The following PVT1 variants were observed in gnomAD, a reference collection of about 807,000 sequenced individuals.
PVT1 encodes CXCR4/PVT1 fusion.
chr8:127,911,693 C>G (rs191704620), intron 3 of PVT1, among the ~76,000 whole-genome samples: 15 of 152,366 alleles, frequency 9.8e-5, no homozygotes, highest in African/African-American at 2.9e-4. Flanking sequence ...AGTCATAGAA[C>G]TAGGGCTTAC....
At chr8:127,979,713 G>A (rs1437525952) in intron 3 of PVT1, among the ~76,000 whole-genome samples, 1 of 152,136 alleles carries the variant, frequency 6.6e-6, no homozygotes, top group African/African-American at 2.4e-5. Context: ...CATTTCATGT[G>A]CCCCCGACCC....
At chr8:128,075,597 AT>A (rs978621352) in intron 5 of PVT1, among the ~76,000 whole-genome samples, 2 of 152,130 alleles carry the variant, frequency 1.3e-5, no homozygotes, top group African/African-American at 2.4e-5. Context: ...CATGTTTGTT[AT>A]CTTTTAGAGC....
chr8:128,044,010 T>A (rs1047467625), intron 4 of PVT1, among the ~76,000 whole-genome samples: 5 of 32,362 alleles, frequency 1.5e-4, no homozygotes, highest in East Asian at 2.4e-3. Flanking sequence ...TATTATTATT[T>A]ATTTATTTTT....
At chr8:127,848,419 C>T (rs1353442977) in intron 2 of PVT1, among the ~76,000 whole-genome samples, 1 of 152,122 alleles carries the variant, frequency 6.6e-6, no homozygotes, top group East Asian at 1.9e-4. Context: ...CGCAGTGGCT[C>T]ACGCCTGTAA....
At chr8:127,805,366 T>TA (rs1000174040) in intron 2 of PVT1, among the ~76,000 whole-genome samples, 7 of 149,252 alleles carry the variant, frequency 4.7e-5, no homozygotes, top group African/African-American at 1.5e-4. Context: ...TTCAGTTAAT[T>TA]AAAAAAAAAA....
At chr8:127,861,740 C>T (rs1046377087) in intron 2 of PVT1, among the ~76,000 whole-genome samples, 2 of 152,038 alleles carry the variant, frequency 1.3e-5, no homozygotes, top group African/African-American at 2.4e-5. Flanking sequence ...GGGGTTGTTG[C>T]GAGGATGAGG....
chr8:127,905,727 G>A (rs1026467825), intron 3 of PVT1, among the ~76,000 whole-genome samples: 3 of 152,164 alleles, frequency 2.0e-5, no homozygotes, highest in African/African-American at 4.8e-5. Flanking sequence ...GGTTGTTGCT[G>A]TCACCCCCAT....
chr8:127,975,782 G>A (rs951959860), intron 3 of PVT1, among the ~76,000 whole-genome samples: 1 of 152,108 alleles, frequency 6.6e-6, no homozygotes, highest in Admixed American at 6.5e-5. Context: ...ACTATTTTTC[G>A]GTTTCCTAGC....
At chr8:128,046,800 C>T (rs913240712) in intron 4 of PVT1, among the ~76,000 whole-genome samples, 2 of 152,222 alleles carry the variant, frequency 1.3e-5, no homozygotes, top group Non-Finnish European at 2.9e-5. Context: ...TCTTCTCTAA[C>T]TTGTCCAGGA....
chr8:128,022,856 G>C (rs900028588), intron 4 of PVT1, among the ~76,000 whole-genome samples: 3 of 144,628 alleles, frequency 2.1e-5, no homozygotes, highest in Non-Finnish European at 4.4e-5. Context: ...CATGACGCAA[G>C]CTGAGATTTT....
At chr8:128,038,682 G>T (rs890234095) in intron 4 of PVT1, among the ~76,000 whole-genome samples, 1 of 152,200 alleles carries the variant, frequency 6.6e-6, no homozygotes, top group East Asian at 1.9e-4. Context: ...CCTTGGGGAC[G>T]GAATCCTCTA....
intron 4 of PVT1, chr8:128,070,151 C>T (rs1813966946): frequency 1.3e-5 from 2 of 152,220 alleles, no homozygotes; most frequent in Admixed American, 1.3e-4. Flanking sequence ...ACTCAACACT[C>T]TTTTTCAGAG....
At chr8:128,014,944 G>A (rs889050044) in intron 4 of PVT1, among the ~76,000 whole-genome samples, 1 of 152,138 alleles carries the variant, frequency 6.6e-6, no homozygotes, top group East Asian at 1.9e-4. Context: ...TTTAGAAACT[G>A]TCCAAGAAAC....
chr8:127,958,622 C>T (rs1586455662), intron 3 of PVT1, among the ~76,000 whole-genome samples: 1 of 152,112 alleles, frequency 6.6e-6, no homozygotes, highest in South Asian at 2.1e-4. Context: ...GAAACTGAGG[C>T]TCAGAGAGGA....
At chr8:127,860,211 C>T (rs1017168134) in intron 2 of PVT1, among the ~76,000 whole-genome samples, 6 of 152,114 alleles carry the variant, frequency 3.9e-5, no homozygotes, top group African/African-American at 2.4e-5. Flanking sequence ...GAGGTGCTGG[C>T]GCAGGAGGCC....
intron 4 of PVT1, among the ~76,000 whole-genome samples, chr8:128,016,136 C>T (rs1336335160): frequency 1.3e-5 from 2 of 151,978 alleles, no homozygotes; most frequent in East Asian, 1.9e-4. Flanking sequence ...AAATTAGCCA[C>T]GTGTGGTGGC....
At chr8:127,887,937 T>TTG (rs1815546758) in intron 2 of PVT1, among the ~76,000 whole-genome samples, 1 of 122,376 alleles carries the variant, frequency 8.2e-6, no homozygotes, top group African/African-American at 3.2e-5. Flanking sequence ...TCTTGTTTTT[T>TTG]TTTTTTTTTT....
chr8:127,990,619 A>G (rs1817021542), intron 4 of PVT1, among the ~76,000 whole-genome samples: 1 of 152,246 alleles, frequency 6.6e-6, no homozygotes, highest in East Asian at 1.9e-4. Flanking sequence ...TGGTGAGAAG[A>G]CAGAGAAGTC....
chr8:128,076,253 T>C (rs575619366), intron 5 of PVT1, among the ~76,000 whole-genome samples: 18 of 152,272 alleles, frequency 1.2e-4, no homozygotes, highest in Non-Finnish European at 2.5e-4. Flanking sequence ...TGAAGCTCTT[T>C]AGACTGAATA....
Sources: allele counts gnomAD v4.1 joint callset (sites outside exome capture counted in the v4.1 genomes callset), GRCh38; gene constraint gnomAD v4.1.1; transcripts MANE v1.5; gene names NCBI Gene and HGNC (gene_info 2026-07-23, HGNC 2026-07-21).